SNX29: variants seen among roughly 807,000 people sequenced by gnomAD.
SNX29 encodes the protein sorting nexin 29.
SNX29 carries 78 observed loss-of-function variants against 102.1 expected under a neutral mutation model. The ratio of observed to expected loss-of-function variants is 0.76; its 90% CI spans 0.64 to 0.92. The LOEUF (loss-of-function observed/expected upper bound fraction) is 0.92. Among genes scored for constraint, SNX29 ranks in the 40% least tolerant of loss-of-function variants. The pLI is 0.00. For synonymous variants in SNX29, 580 were observed against 414.5 expected, an observed-to-expected ratio of 1.40 and a Z score of -4.85; for missense variants, 1,280 against 1,061.7, an observed-to-expected ratio of 1.21 and a Z score of -2.86.
chr16:12,492,561 T>A (rs1226654621), intron 19 of SNX29, among the ~76,000 whole-genome samples: 1 of 152,020 alleles, frequency 6.6e-6, no homozygotes, highest in Non-Finnish European at 1.5e-5. Context: ...AATTTTGGCT[T>A]TTGTTGCCAT....
chr16:12,495,031 G>GA (rs546723913), intron 19 of SNX29, among the ~76,000 whole-genome samples: 2 of 152,316 alleles, frequency 1.3e-5, no homozygotes, highest in African/African-American at 4.8e-5. Flanking sequence ...CACCTCATGT[G>GA]ACCCCTGAAG....
chr16:12,455,498 C>G (rs1469529695), intron 18 of SNX29, among the ~76,000 whole-genome samples: 3 of 152,222 alleles, frequency 2.0e-5, no homozygotes, highest in African/African-American at 7.2e-5. Flanking sequence ...AGGAAGTCCT[C>G]TTTCTCCCCA....
chr16:12,022,997 A>G (rs1368905850), intron 3 of SNX29, among the ~76,000 whole-genome samples: 2 of 151,272 alleles, frequency 1.3e-5, no homozygotes, highest in African/African-American at 2.4e-5. Context: ...CCTGGGTCCA[A>G]GGAATTCTCC....
At chr16:12,282,035 G>A (rs578213126) in intron 15 of SNX29, among the ~76,000 whole-genome samples, 2 of 132,900 alleles carry the variant, frequency 1.5e-5, no homozygotes, top group African/African-American at 5.7e-5. Flanking sequence ...AGTGAGCTGG[G>A]ATCATGGCTC....
chr16:12,459,848 C>T (rs2086703021), intron 18 of SNX29, among the ~76,000 whole-genome samples: 2 of 152,184 alleles, frequency 1.3e-5, no homozygotes, highest in African/African-American at 4.8e-5. Flanking sequence ...TACCCCATTT[C>T]CCCAAAGCCA....
intron 14 of SNX29, among the ~76,000 whole-genome samples, chr16:12,227,770 C>A (rs528257484): frequency 6.6e-6 from 1 of 151,882 alleles, no homozygotes; most frequent in African/African-American, 2.4e-5. Flanking sequence ...CATGGTGGCT[C>A]GTGCTTGTAA....
chr16:12,347,103 C>G (rs532787987), intron 15 of SNX29, among the ~76,000 whole-genome samples: 1 of 152,268 alleles, frequency 6.6e-6, no homozygotes, highest in African/African-American at 2.4e-5. Context: ...TCTCAGTGTT[C>G]TGAGTGCTGA....
chr16:12,393,392 T>TCATGCATGCATGCATG (rs374651159), intron 16 of SNX29, among the ~76,000 whole-genome samples: 2 of 142,014 alleles, frequency 1.4e-5, no homozygotes, highest in Non-Finnish European at 3.1e-5. Flanking sequence ...ATTCATTCAT[T>TCATGCATGCATGCATG]CATGCATGCA....
At chr16:12,462,181 C>T (rs1384228610) in intron 18 of SNX29, among the ~76,000 whole-genome samples, 1 of 151,426 alleles carries the variant, frequency 6.6e-6, no homozygotes, top group African/African-American at 2.4e-5. Flanking sequence ...CCAGCGAGCT[C>T]TCAGTCCTGG....
chr16:12,107,553 C>G (rs1383443785), intron 11 of SNX29, among the ~76,000 whole-genome samples: 1 of 152,036 alleles, frequency 6.6e-6, no homozygotes, highest in Non-Finnish European at 1.5e-5. Flanking sequence ...AGGAGAATCT[C>G]TTGAACCTGG....
chr16:12,325,118 A>G (rs1023585183), intron 15 of SNX29, among the ~76,000 whole-genome samples: 1 of 152,314 alleles, frequency 6.6e-6, no homozygotes, highest in African/African-American at 2.4e-5. Flanking sequence ...GCCCTTCGCT[A>G]GCAATGTATC....
intron 14 of SNX29, among the ~76,000 whole-genome samples, chr16:12,263,532 A>G (rs1422721826): frequency 6.6e-6 from 1 of 152,166 alleles, no homozygotes; most frequent in South Asian, 2.1e-4. Flanking sequence ...TTTATACTCT[A>G]TCCCTATTCC....
intron 16 of SNX29, among the ~76,000 whole-genome samples, chr16:12,390,799 C>T (rs947169371): frequency 4.6e-5 from 7 of 151,434 alleles, no homozygotes; most frequent in Admixed American, 6.6e-5. Context: ...AAGTAAGGCC[C>T]AGAGAAGTGG....
At chr16:12,450,591 G>C (rs2086260184) in intron 18 of SNX29, among the ~76,000 whole-genome samples, 1 of 152,228 alleles carries the variant, frequency 6.6e-6, no homozygotes, top group Non-Finnish European at 1.5e-5. Context: ...CACACGGTGT[G>C]AGAGAAGGGA....
chr16:11,998,736 C>T (rs1418351409), intron 1 of SNX29, among the ~76,000 whole-genome samples: 1 of 152,204 alleles, frequency 6.6e-6, no homozygotes, highest in African/African-American at 2.4e-5. Flanking sequence ...GCTTTCTTCT[C>T]ATTGGCCAGA....
chr16:12,113,739 T>A (rs2053583816), intron 11 of SNX29, among the ~76,000 whole-genome samples: 1 of 152,352 alleles, frequency 6.6e-6, no homozygotes, highest in Non-Finnish European at 1.5e-5. Context: ...CATGGCAGAC[T>A]CAGGGCTTTA....
intron 11 of SNX29, among the ~76,000 whole-genome samples, chr16:12,114,570 C>T (rs566889710): frequency 2.1e-5 from 3 of 143,816 alleles, no homozygotes; most frequent in Admixed American, 1.4e-4. Context: ...ATCGTCATTC[C>T]TTTTTTTTTT....
At chr16:12,481,541 CACACACACACA>C (rs1567608644) in intron 19 of SNX29, among the ~76,000 whole-genome samples, 2 of 151,048 alleles carry the variant, frequency 1.3e-5, no homozygotes, top group African/African-American at 4.9e-5. Flanking sequence ...CACACACACA[CACACACACACA>C]CACCCCAAAT....
chr16:12,025,302 C>CGAAAA (rs745562829), intron 3 of SNX29, among the ~76,000 whole-genome samples: 3 of 60,580 alleles, frequency 5.0e-5, no homozygotes, highest in African/African-American at 2.1e-4. Flanking sequence ...AACTCCATCT[C>CGAAAA]AAAAAAAAAA....
Sources: allele counts gnomAD v4.1 joint callset (sites outside exome capture counted in the v4.1 genomes callset), GRCh38; gene constraint gnomAD v4.1.1; transcripts MANE v1.5; gene names NCBI Gene and HGNC (gene_info 2026-07-23, HGNC 2026-07-21).